XKR3: variants seen among roughly 807,000 people sequenced by gnomAD.
XKR3 encodes XK related 3.
In XKR3, 27 loss-of-function variants were observed where a neutral mutation model predicts 40.3. That is an observed-to-expected ratio of 0.67 (90% CI 0.49 to 0.92). The LOEUF (loss-of-function observed/expected upper bound fraction) is 0.92. XKR3 is among the 40% of genes least tolerant of loss of function. The pLI is 0.00. For missense variants in XKR3, 472 were observed against 537.6 expected, an observed-to-expected ratio of 0.88 and a Z score of 1.21; for synonymous variants, 193 against 195.4, an observed-to-expected ratio of 0.99 and a Z score of 0.10.
intron 2 of XKR3, among the ~76,000 whole-genome samples, chr22:16,807,083 T>G (rs1227740325): frequency 6.6e-6 from 1 of 152,164 alleles, no homozygotes. Context: ...CCTAAAACAT[T>G]CAGTGAAAAG....
chr22:16,794,118 A>G (rs1306795907), intron 3 of XKR3, among the ~76,000 whole-genome samples: 1 of 152,216 alleles, frequency 6.6e-6, no homozygotes, highest in Non-Finnish European at 1.5e-5. Context: ...AAGCAACTTG[A>G]AAAATAAATT....
At chr22:16,810,944 C>T (rs1330416690) in intron 1 of XKR3, among the ~76,000 whole-genome samples, 8 of 152,128 alleles carry the variant, frequency 5.3e-5, no homozygotes, top group Admixed American at 1.3e-4. Context: ...CATGAACCCA[C>T]GAGCCTTATG....
chr22:16,808,400 A>G (rs1188790274), intron 1 of XKR3, among the ~76,000 whole-genome samples: 3 of 152,216 alleles, frequency 2.0e-5, no homozygotes, highest in Non-Finnish European at 4.4e-5. Flanking sequence ...TTCATTACTC[A>G]TAAGTTTTCT....
In XKR3 at chr22:16,783,957, A is replaced by C; in HGVS notation, c.1042T>G (p.Tyr348Asp). ...RQRWGHRILH[Y>D]SFQFLENVIM... ...ACATTTTCTAAAAACTGAAAGCTGT[A>C]GTGTAGGATTCTATGGCCCCACCTC... Residue 348 changes from tyrosine to aspartate, a missense_variant, in exon 4 of 4, where the codon TAC (tyrosine) becomes GAC (aspartate). By Grantham distance (160) the Tyr-to-Asp change is radical (BLOSUM62 -3). Coordinates refer to ENST00000684488, the MANE Select transcript of XKR3 (RefSeq NM_001386955.1). The C allele has an allele frequency of 1.2e-6, 2 of 1,614,242 alleles. No homozygotes were observed. Among genetic ancestry groups the C allele is most frequent in the South Asian group, 2.2e-5 (2 of 91,088 alleles).
chr22:16,806,800 T>C lies in XKR3; in HGVS notation c.335+939A>G, dbSNP rs145297954. Among the ~76,000 whole-genome samples, 529 of 152,276 alleles carry C rather than the reference T, an allele frequency of 3.5e-3. 3 individuals carry two copies. The highest frequency in any genetic ancestry group is 0.02 in the East Asian group (102 of 5,194). On this transcript the variant is annotated intron_variant, in intron 2 of 3. Transcript: ENST00000684488. ...AATAATAAAAAGTAAAATGAAAATA[T>C]ACTTTGCATTGTATTAACCTAAAAT... is the stretch of plus-strand genomic sequence containing the variant.
At chr22:16,811,044 T>C (rs1340178805) in intron 1 of XKR3, among the ~76,000 whole-genome samples, 1 of 152,184 alleles carries the variant, frequency 6.6e-6, no homozygotes, top group Non-Finnish European at 1.5e-5. Context: ...TTGTCTTTTC[T>C]CAGGTGAACT....
In XKR3 at chr22:16,783,865, A is replaced by G; in HGVS notation, c.1134T>C (p.Ile378=). The G allele has an allele frequency of 6.2e-7, 1 of 1,614,214 alleles. No homozygotes were observed. The highest frequency in any genetic ancestry group is 8.5e-7 in the Non-Finnish European group (1 of 1,180,040). The change falls in exon 4 of 4, where the codon ATT becomes ATC. Residue 378 remains isoleucine, a synonymous_variant. Coordinates refer to ENST00000684488, the MANE Select transcript of XKR3 (RefSeq NM_001386955.1). ...KTLLNCCDSL[I]AVQLIISYLL... ...GGTAGCTTATGATGAGCTGCACGGCAATTAATGAGTCACAACAATTCAGCA... is the reference window on the plus strand; with the variant it reads ...GGTAGCTTATGATGAGCTGCACGGCGATTAATGAGTCACAACAATTCAGCA...
chr22:16,819,700 G>A (rs1477494624), intron 1 of XKR3, among the ~76,000 whole-genome samples: 5 of 151,990 alleles, frequency 3.3e-5, no homozygotes, highest in Admixed American at 1.3e-4. Context: ...CCTCTTAGGC[G>A]TGGCAAAGAG....
At chr22:16,787,417 G>A (rs1356394405) in intron 3 of XKR3, among the ~76,000 whole-genome samples, 2 of 151,908 alleles carry the variant, frequency 1.3e-5, no homozygotes, top group African/African-American at 2.4e-5. Flanking sequence ...AAATTAGTCA[G>A]GTGTGGTTGG....
rs140053593 is a variant in XKR3 at position 16,817,917 on chromosome 22, C to T, written c.-11+7374G>A. Among the ~76,000 whole-genome samples the T allele has an allele frequency of 8.1e-3, 1,227 of 152,036 alleles. 25 individuals carry two copies. Among genetic ancestry groups the T allele is most frequent in the African/African-American group, 0.028 (1,179 of 41,484 alleles). On this transcript the variant is annotated intron_variant, in intron 1 of 3. Coordinates refer to ENST00000684488, the MANE Select transcript of XKR3 (RefSeq NM_001386955.1). ...TATGAAAAGCCATTATTACTATATC[C>T]CTTCTGCAGTTGAAAAAGAACATAT...
chr22:16,799,991 C>A lies in XKR3; in HGVS notation c.369G>T (p.Trp123Cys), dbSNP rs775600496. The A allele has an allele frequency of 5.0e-6, 8 of 1,614,072 alleles. No individual in the cohort carries two copies. The highest frequency in any genetic ancestry group is 5.1e-6 in the Non-Finnish European group (6 of 1,179,984). Reference protein sequence around the residue: ...CLHTIRNYHKWLKNLKQEKEE... With the variant: ...CLHTIRNYHKCLKNLKQEKEE... ...CCTTCTCCTGTTTAAGATTTTTCAA[C>A]CATTTGTGGTAATTTCTAATGGTGT... The change falls in exon 3 of 4, where the codon TGG (tryptophan) becomes TGT (cysteine). Residue 123 changes from tryptophan to cysteine, a missense_variant. Trp to Cys is a radical substitution (Grantham distance 215, BLOSUM62 -2). Coordinates refer to ENST00000684488, the MANE Select transcript of XKR3 (RefSeq NM_001386955.1).
At chr22:16,793,010 T>G (rs1451530022) in intron 3 of XKR3, among the ~76,000 whole-genome samples, 1 of 152,214 alleles carries the variant, frequency 6.6e-6, no homozygotes, top group Non-Finnish European at 1.5e-5. Flanking sequence ...TTATTTTTTA[T>G]TTTATTTTAT....
chr22:16,812,028 AAAC>A (rs1156954950), intron 1 of XKR3, among the ~76,000 whole-genome samples: 1 of 152,058 alleles, frequency 6.6e-6, no homozygotes, highest in East Asian at 1.9e-4. Flanking sequence ...AACAAACAAA[AAAC>A]AACAAACAAA....
chr22:16,794,718 C>G (rs2060133411), intron 3 of XKR3, among the ~76,000 whole-genome samples: 1 of 152,198 alleles, frequency 6.6e-6, no homozygotes, highest in Admixed American at 6.5e-5. Context: ...CAATACTAAC[C>G]TTGAATGACA....
At chr22:16,815,779 A>G (rs929401199) in intron 1 of XKR3, among the ~76,000 whole-genome samples, 1 of 152,010 alleles carries the variant, frequency 6.6e-6, no homozygotes, top group African/African-American at 2.4e-5. Context: ...ACCTCTCACT[A>G]CAATTGTGAT....
At chr22:16,795,217 C>T (rs2060135539) in intron 3 of XKR3, among the ~76,000 whole-genome samples, 3 of 151,990 alleles carry the variant, frequency 2.0e-5, no homozygotes, top group African/African-American at 7.3e-5. Context: ...TCTTGGTCCA[C>T]GGTGCAATAA....
At chr22:16,798,178 C>A (rs568211498) in intron 3 of XKR3, among the ~76,000 whole-genome samples, 1 of 121,000 alleles carries the variant, frequency 8.3e-6, no homozygotes. Flanking sequence ...GAAACTCCAT[C>A]TCAAAAAAAA....
At chr22:16,812,597 C>T (rs1421905789) in intron 1 of XKR3, among the ~76,000 whole-genome samples, 4 of 152,142 alleles carry the variant, frequency 2.6e-5, no homozygotes, top group Non-Finnish European at 5.9e-5. Flanking sequence ...ATCACTTGAA[C>T]CCTAAAGGCA....
At chr22:16,801,686 C>CAA (rs71688132) in intron 2 of XKR3, among the ~76,000 whole-genome samples, 3 of 121,938 alleles carry the variant, frequency 2.5e-5, no homozygotes, top group Admixed American at 8.2e-5. Context: ...AAGCTATCAG[C>CAA]AAAAAAAAAA....
Sources: allele counts gnomAD v4.1 joint callset (sites outside exome capture counted in the v4.1 genomes callset), GRCh38; gene constraint gnomAD v4.1.1; transcripts MANE v1.5; gene names NCBI Gene and HGNC (gene_info 2026-07-23, HGNC 2026-07-21).